Variants in TMTC2 observed in about 807,000 individuals in gnomAD.
TMTC2 encodes protein O-mannosyl-transferase TMTC2.
In TMTC2, 43 loss-of-function variants were observed where a neutral mutation model predicts 82.4. That is an observed-to-expected ratio of 0.52 (90% CI 0.41 to 0.67). TMTC2 has a LOEUF of 0.67. Ranked by LOEUF, TMTC2 falls within the 30% of genes least tolerant of loss-of-function variation. The probability of loss-of-function intolerance (pLI) is 0.00; values close to 1 mark genes in which losing one functional copy is unlikely to be tolerated. For missense variants in TMTC2, 919 were observed against 1,012.4 expected (o/e 0.91, Z 1.25); for synonymous variants, 408 against 381.9 (o/e 1.07, Z -0.80).
At chr12:82,873,994 G>A (rs1872347021) in intron 2 of TMTC2, among the ~76,000 whole-genome samples, 1 of 152,100 alleles carries the variant, frequency 6.6e-6, no homozygotes, top group Admixed American at 6.6e-5. Context: ...AGTTAATTAT[G>A]GGGGAACGAT....
chr12:83,041,359 A>G (rs1160527644), intron 9 of TMTC2, among the ~76,000 whole-genome samples: 1 of 152,050 alleles, frequency 6.6e-6, no homozygotes, highest in African/African-American at 2.4e-5. Flanking sequence ...CTTGTGCTGC[A>G]CTCTCTGCTC....
At chr12:83,037,081 AG>A (rs1051320785) in intron 9 of TMTC2, among the ~76,000 whole-genome samples, 1 of 152,192 alleles carries the variant, frequency 6.6e-6, no homozygotes, top group Admixed American at 6.5e-5. Context: ...CACCATATTG[AG>A]GATCAAATTT....
intron 7 of TMTC2, among the ~76,000 whole-genome samples, chr12:82,980,226 C>A (rs2137327224): frequency 6.6e-6 from 1 of 151,556 alleles, no homozygotes; most frequent in Non-Finnish European, 1.5e-5. Context: ...AAATTAGTTC[C>A]TAAGGAACAA....
At position 82,687,260 on chromosome 12, in the gene TMTC2, T is replaced by G; in HGVS notation, c.-327T>G. ...CGCCCCAAACTGCCATGGGTTAGGG[T>G]GGGGATCGCGACCCGCGCGAAAGAC... On this transcript the variant is annotated 5_prime_UTR_variant, in exon 1 of 12. Coordinates refer to ENST00000321196, the MANE Select transcript of TMTC2 (RefSeq NM_152588.3). 2.4e-6 allele frequency: 1 copy of G among 415,662 alleles called. No individual in the cohort carries two copies. Among genetic ancestry groups the G allele is most frequent in the Non-Finnish European group, 4.5e-6 (1 of 223,152 alleles). 25.7% of individuals were successfully genotyped at this position (415,662 alleles called of 1,614,324 possible).
intron 1 of TMTC2, among the ~76,000 whole-genome samples, chr12:82,791,434 A>T (rs1268315218): frequency 1.3e-5 from 2 of 152,148 alleles, no homozygotes; most frequent in East Asian, 3.8e-4. Context: ...ATACTCTCAG[A>T]TATAAGAATC....
In TMTC2 at chr12:83,051,019, G is replaced by T; in HGVS notation, c.2267+1G>T. The T allele has an allele frequency of 6.2e-7, 1 of 1,601,342 alleles. No homozygotes were observed. Among genetic ancestry groups the T allele is most frequent in the Non-Finnish European group, 8.5e-7 (1 of 1,174,474 alleles). On this transcript the variant is annotated splice_donor_variant, in intron 10 of 11. Transcript: ENST00000321196. LOFTEE classifies it high-confidence loss of function. ...TCTTCAATGCTGCCCACATGCTCAG[G>T]TTAGTTTTTTTGCTGCTGTGCCTCA...
At chr12:83,088,578 C>G (rs1883737887) in intron 11 of TMTC2, among the ~76,000 whole-genome samples, 1 of 152,090 alleles carries the variant, frequency 6.6e-6, no homozygotes, top group Non-Finnish European at 1.5e-5. Context: ...TGTTGTGTCT[C>G]TAGGAATGGG....
At chr12:83,063,353 T>C (rs1258302251) in intron 11 of TMTC2, among the ~76,000 whole-genome samples, 1 of 151,758 alleles carries the variant, frequency 6.6e-6, no homozygotes, top group Non-Finnish European at 1.5e-5. Flanking sequence ...TTTGGGTGGC[T>C]ATTCTGAATG....
chr12:82,997,447 T>C (rs1879719408), intron 8 of TMTC2, among the ~76,000 whole-genome samples: 1 of 132,220 alleles, frequency 7.6e-6, no homozygotes, highest in African/African-American at 2.8e-5. Context: ...GAGAGAGAAC[T>C]ATAATATTTT....
rs549130927 is a variant in TMTC2 at position 83,093,910 on chromosome 12, C to T, written c.2331+32079C>T. Among the ~76,000 whole-genome samples, 4 of 152,146 alleles carry T rather than the reference C, an allele frequency of 2.6e-5. No homozygotes were observed. The East Asian group carries it at 7.7e-4, about 29-fold the overall frequency. On this transcript the variant is annotated intron_variant, in intron 11 of 11. Coordinates refer to ENST00000321196, the MANE Select transcript of TMTC2 (RefSeq NM_152588.3). Reference sequence around the variant, plus strand: ...AACCTAGTGACAGGGAAAGAGACAACAATTAATAATCAAAGAAATATGAAC... The same window carrying T: ...AACCTAGTGACAGGGAAAGAGACAATAATTAATAATCAAAGAAATATGAAC...
intron 1 of TMTC2, among the ~76,000 whole-genome samples, chr12:82,832,221 G>T (rs1869787538): frequency 6.6e-6 from 1 of 151,904 alleles, no homozygotes; most frequent in Non-Finnish European, 1.5e-5. Flanking sequence ...TCATTTGGCT[G>T]TGAAGTTAAA....
chr12:82,887,868 T>G (rs1211012953), intron 2 of TMTC2, among the ~76,000 whole-genome samples: 1 of 151,984 alleles, frequency 6.6e-6, no homozygotes, highest in Non-Finnish European at 1.5e-5. Context: ...TCACCTGAGG[T>G]TGGGAGTTCG....
intron 4 of TMTC2, among the ~76,000 whole-genome samples, chr12:82,940,014 C>CTTTTTTTTTTTTTTTTT (rs71309537): frequency 3.3e-5 from 3 of 91,264 alleles, no homozygotes; most frequent in Non-Finnish European, 6.5e-5. Flanking sequence ...TCTTTCTTTA[C>CTTTTTTTTTTTTTTTTT]TTTTTTTTTT....
intron 1 of TMTC2, among the ~76,000 whole-genome samples, chr12:82,844,999 G>A (rs1870560640): frequency 6.6e-6 from 1 of 151,290 alleles, no homozygotes; most frequent in Admixed American, 6.6e-5. Flanking sequence ...AGGCCGAGGT[G>A]GGCGGATCAC....
At chr12:82,762,522 A>G (rs1876710110) in intron 1 of TMTC2, among the ~76,000 whole-genome samples, 1 of 152,086 alleles carries the variant, frequency 6.6e-6, no homozygotes, top group Non-Finnish European at 1.5e-5. Context: ...TATTCAAGTT[A>G]TTTCCTTTGA....
At chr12:82,830,505 C>A (rs767338652) in intron 1 of TMTC2, among the ~76,000 whole-genome samples, 109 of 152,018 alleles carry the variant, frequency 7.2e-4, no homozygotes, top group Non-Finnish European at 3.2e-4. Context: ...GTGGAGTTTT[C>A]CCTGCAGAGC....
chr12:82,874,832 G>C (rs1369525514), intron 2 of TMTC2, among the ~76,000 whole-genome samples: 2 of 151,942 alleles, frequency 1.3e-5, no homozygotes, highest in Non-Finnish European at 2.9e-5. Context: ...ATTAGAACTT[G>C]ACTCTGATTC....
intron 3 of TMTC2, among the ~76,000 whole-genome samples, chr12:82,922,977 T>C (rs1875483176): frequency 6.6e-6 from 1 of 152,160 alleles, no homozygotes; most frequent in South Asian, 2.1e-4. Context: ...TCTTACGTGC[T>C]TTCTAAGGTG....
At position 83,132,643 on chromosome 12, in the gene TMTC2, A is replaced by G. The variant is rs1885300159; in HGVS notation, c.*254A>G. On this transcript the variant is annotated 3_prime_UTR_variant, in exon 12 of 12. Coordinates refer to ENST00000321196, the MANE Select transcript of TMTC2 (RefSeq NM_152588.3). The stretch of plus-strand genomic sequence containing the variant: ...GACTGTAAACCAGAGCACTTAAAAC[A>G]GAACCTTTTGGCATTCTTAAAAAGG... 2.5e-6 allele frequency: 1 copy of G among 403,420 alleles called. No homozygotes were observed. Among genetic ancestry groups the G allele is most frequent in the Admixed American group, 4.7e-5 (1 of 21,204 alleles). The allele number at this position is 403,420 out of a possible 1,614,324, so 25.0% of individuals were successfully genotyped here. A position where few individuals can be genotyped will look rare whatever the true frequency, so the allele number is the denominator to read the frequency against.
Sources: allele counts gnomAD v4.1 joint callset (sites outside exome capture counted in the v4.1 genomes callset), GRCh38; gene constraint gnomAD v4.1.1; transcripts MANE v1.5; gene names NCBI Gene and HGNC (gene_info 2026-07-23, HGNC 2026-07-21).